The following MYO3A variants were observed in gnomAD, a reference collection of about 807,000 sequenced individuals.
The protein encoded by MYO3A is myosin-IIIa.
MYO3A carries 180 observed loss-of-function variants against 192.7 expected under a neutral mutation model. The observed-to-expected ratio is 0.93, with a 90% CI of 0.83 to 1.06. MYO3A has a LOEUF of 1.06. Among genes scored for constraint, MYO3A ranks in the 50% least tolerant of loss-of-function variants. MYO3A has a pLI of 0.00. For synonymous variants in MYO3A, 628 were observed against 645.3 expected, an observed-to-expected ratio of 0.97 and a Z score of 0.41; for missense variants, 1,896 against 1,905.0, an observed-to-expected ratio of 1.00 and a Z score of 0.09.
At chr10:26,194,589 CA>C in intron 32 of MYO3A, among the ~76,000 whole-genome samples, 1 of 152,304 alleles carries the variant, frequency 6.6e-6, no homozygotes, top group Admixed American at 6.5e-5. Context: ...ATAAGTTTCC[CA>C]CCTCGCAGGC....
chr10:25,959,258 T>C (rs1837764776), intron 4 of MYO3A, among the ~76,000 whole-genome samples: 1 of 152,204 alleles, frequency 6.6e-6, no homozygotes, highest in Non-Finnish European at 1.5e-5. Flanking sequence ...ACATTACTTA[T>C]GAAATTATCC....
intron 7 of MYO3A, among the ~76,000 whole-genome samples, chr10:26,018,358 A>G (rs1842094089): frequency 6.6e-6 from 1 of 152,170 alleles, no homozygotes; most frequent in Admixed American, 6.5e-5. Context: ...CATATTTTAA[A>G]TAATCAGCTT....
At chr10:26,092,162 A>G (rs1836740222) in intron 15 of MYO3A, among the ~76,000 whole-genome samples, 1 of 152,214 alleles carries the variant, frequency 6.6e-6, no homozygotes, top group African/African-American at 2.4e-5. Flanking sequence ...AATACCCTGT[A>G]GTGCCTTAAG....
chr10:26,129,931 C>A (rs1839434135), intron 20 of MYO3A, among the ~76,000 whole-genome samples: 1 of 152,120 alleles, frequency 6.6e-6, no homozygotes, highest in Non-Finnish European at 1.5e-5. Flanking sequence ...GAATTGCTAA[C>A]TTTATGGGAC....
chr10:25,983,566 A>G (rs1564427804), intron 4 of MYO3A, among the ~76,000 whole-genome samples: 1 of 152,170 alleles, frequency 6.6e-6, no homozygotes, highest in Non-Finnish European at 1.5e-5. Flanking sequence ...CAGAAAAATG[A>G]ATTTTGAAAA....
At chr10:26,007,957 G>T (rs1841347363) in intron 6 of MYO3A, among the ~76,000 whole-genome samples, 1 of 151,838 alleles carries the variant, frequency 6.6e-6, no homozygotes, top group Non-Finnish European at 1.5e-5. Flanking sequence ...AAAGCTAAAG[G>T]CATCACACTA....
chr10:26,040,917 A>G (rs918936717), intron 10 of MYO3A, among the ~76,000 whole-genome samples: 2 of 152,126 alleles, frequency 1.3e-5, no homozygotes, highest in East Asian at 1.9e-4. Flanking sequence ...TATTTCATCT[A>G]TAATGCAGAT....
intron 10 of MYO3A, among the ~76,000 whole-genome samples, chr10:26,056,978 C>T (rs59180311): frequency 0.47 from 71,867 of 151,796 alleles, 17,843 homozygotes; most frequent in Middle Eastern, 0.59. Flanking sequence ...AAATAGATGC[C>T]ATGAAAGCTA....
rs114133952 is a variant in MYO3A at position 25,936,030 on chromosome 10, C to T, written c.-18+200C>T. On this transcript the variant is annotated intron_variant, in intron 2 of 34. Coordinates refer to ENST00000642920, the MANE Select transcript of MYO3A (RefSeq NM_017433.5). ...CTTTATGAATATATTGATGAGATGTCTAGCATGTGAAAAATTACATTCATT... is the reference window on the plus strand; with the variant it reads ...CTTTATGAATATATTGATGAGATGTTTAGCATGTGAAAAATTACATTCATT... Among the ~76,000 whole-genome samples, 1,203 of 152,156 alleles carry T rather than the reference C, an allele frequency of 7.9e-3. 10 individuals carry two copies. The highest frequency in any genetic ancestry group is 0.027 in the African/African-American group (1,117 of 41,482).
At chr10:26,147,915 C>T (rs1840569209) in intron 23 of MYO3A, among the ~76,000 whole-genome samples, 1 of 152,066 alleles carries the variant, frequency 6.6e-6, no homozygotes, top group Admixed American at 6.6e-5. Flanking sequence ...TTGGTGGGCT[C>T]TCTTATTGAT....
At chr10:26,028,978 A>G (rs1341929350) in intron 10 of MYO3A, among the ~76,000 whole-genome samples, 1 of 152,220 alleles carries the variant, frequency 6.6e-6, no homozygotes, top group Non-Finnish European at 1.5e-5. Context: ...TGGACACCAG[A>G]TAAGATTTCC....
chr10:26,139,346 T>C (rs1370038150), intron 20 of MYO3A, among the ~76,000 whole-genome samples: 1 of 83,120 alleles, frequency 1.2e-5, no homozygotes, highest in Admixed American at 1.1e-4. Flanking sequence ...GTTCAAGTGA[T>C]TTTCTTTCTC....
chr10:26,027,318 C>A (rs1478008005), intron 10 of MYO3A, among the ~76,000 whole-genome samples: 2 of 150,708 alleles, frequency 1.3e-5, no homozygotes, highest in Admixed American at 1.3e-4. Context: ...AATCTGTAAC[C>A]TTTTAATATC....
At chr10:26,094,610 G>C (rs533821232) in intron 15 of MYO3A, among the ~76,000 whole-genome samples, 1 of 152,100 alleles carries the variant, frequency 6.6e-6, no homozygotes, top group South Asian at 2.1e-4. Context: ...ATTTTTAGTA[G>C]AGACGGGGTT....
In MYO3A at chr10:26,043,078, A is replaced by G. The variant is rs927866031; in HGVS notation, c.953+16546A>G. Among the ~76,000 whole-genome samples, 4 of 152,052 alleles carry G rather than the reference A, an allele frequency of 2.6e-5. No homozygotes were observed. In the East Asian group the frequency reaches 7.7e-4, roughly 29 times the overall value. On this transcript the variant is annotated intron_variant, in intron 10 of 34. Coordinates refer to ENST00000642920, the MANE Select transcript of MYO3A (RefSeq NM_017433.5). ...GCAGACTCATAGAAGTACTTGGATA[A>G]GATCTTGAATAATTTCCTGGATTGC...
intron 23 of MYO3A, among the ~76,000 whole-genome samples, chr10:26,150,283 A>G (rs1017996104): frequency 3.9e-5 from 6 of 152,202 alleles, no homozygotes; most frequent in African/African-American, 1.4e-4. Flanking sequence ...TATGAGGAAT[A>G]TTGCACTATA....
At chr10:26,152,544 T>C (rs1840856358) in intron 23 of MYO3A, among the ~76,000 whole-genome samples, 1 of 152,238 alleles carries the variant, frequency 6.6e-6, no homozygotes, top group Non-Finnish European at 1.5e-5. Context: ...TGCACCACAG[T>C]TACTTGCAGC....
intron 20 of MYO3A, among the ~76,000 whole-genome samples, chr10:26,138,759 C>G (rs1047635414): frequency 3.9e-5 from 6 of 152,176 alleles, no homozygotes; most frequent in African/African-American, 1.4e-4. Flanking sequence ...CTGCCCTTGT[C>G]AAGTCAGTCC....
At chr10:25,960,767 A>C (rs892959875) in intron 4 of MYO3A, among the ~76,000 whole-genome samples, 1 of 152,038 alleles carries the variant, frequency 6.6e-6, no homozygotes, top group South Asian at 2.1e-4. Flanking sequence ...GTTGAAGAAA[A>C]TTAGAGGATG....
Sources: gnomAD v4.1 joint callset for allele counts (sites outside exome capture counted in the v4.1 genomes callset) on GRCh38, gnomAD v4.1.1 for gene constraint, MANE v1.5 for transcripts, NCBI Gene and HGNC (gene_info 2026-07-23, HGNC 2026-07-21) for gene names.